MYO1D: variants seen among roughly 807,000 people sequenced by gnomAD.
MYO1D encodes myosin ID, also known as unconventional myosin-Id.
In MYO1D, 83 loss-of-function variants were observed where a neutral mutation model predicts 122.0. The observed-to-expected ratio is 0.68, with a 90% CI of 0.57 to 0.82. The LOEUF is 0.82. Among genes scored for constraint, MYO1D ranks in the 40% least tolerant of loss-of-function variants. The pLI is 0.00. For missense variants in MYO1D, 1,157 were observed against 1,269.5 expected (o/e 0.91, Z 1.35); for synonymous variants, 464 against 446.9 (o/e 1.04, Z -0.48).
chr17:32,549,315 TA>T (rs1191439419), intron 21 of MYO1D, among the ~76,000 whole-genome samples: 2 of 152,016 alleles, frequency 1.3e-5, no homozygotes, highest in East Asian at 3.9e-4. Flanking sequence ...AGACTTGTCT[TA>T]AACTCCTGGG....
chr17:32,571,327 C>A (rs1218833508), intron 21 of MYO1D, among the ~76,000 whole-genome samples: 1 of 152,134 alleles, frequency 6.6e-6, no homozygotes, highest in African/African-American at 2.4e-5. Flanking sequence ...TTAACCCTGG[C>A]AACCCCGCCT....
chr17:32,632,610 C>T (rs2088032505), intron 20 of MYO1D: 1 of 150,706 alleles, frequency 6.6e-6, no homozygotes, highest in Non-Finnish European at 1.5e-5. Context: ...CACACACACA[C>T]ACACACACAC....
intron 4 of MYO1D, among the ~76,000 whole-genome samples, chr17:32,775,073 G>A (rs548852483): frequency 6.6e-6 from 1 of 152,276 alleles, no homozygotes; most frequent in African/African-American, 2.4e-5. Flanking sequence ...GACTGAAGCA[G>A]GAGGGCTGCT....
chr17:32,600,668 A>G (rs1384243872), intron 21 of MYO1D, among the ~76,000 whole-genome samples: 3 of 145,566 alleles, frequency 2.1e-5, no homozygotes, highest in Non-Finnish European at 4.4e-5. Context: ...AGAATTTAAG[A>G]GAGTTTAGGG....
chr17:32,698,214 A>G (rs578142074), intron 16 of MYO1D, among the ~76,000 whole-genome samples: 2 of 152,264 alleles, frequency 1.3e-5, no homozygotes, highest in South Asian at 2.1e-4. Context: ...ACTAGCTACC[A>G]TATCAGTAGG....
chr17:32,844,332 GTATATGTATATAT>G (rs1366158969), intron 1 of MYO1D, among the ~76,000 whole-genome samples: 1 of 143,600 alleles, frequency 7.0e-6, no homozygotes, highest in East Asian at 2.0e-4. Context: ...TATATAATAT[GTATATGTATATAT>G]TATATGTGTA....
At chr17:32,654,068 C>T in intron 18 of MYO1D, 121 bp from the exon 19 acceptor site, 2 of 718,142 alleles carry the variant, frequency 2.8e-6, no homozygotes, top group South Asian at 2.1e-5. Context: ...CTCTTTATCT[C>T]CTCACCCCAG....
chr17:32,698,013 A>T (rs1479746618), intron 16 of MYO1D, among the ~76,000 whole-genome samples: 1 of 152,166 alleles, frequency 6.6e-6, no homozygotes, highest in Non-Finnish European at 1.5e-5. Context: ...CAGGCCTCTT[A>T]GGTTCAAATC....
chr17:32,798,033 T>C (rs2090433126), intron 1 of MYO1D, among the ~76,000 whole-genome samples: 1 of 152,216 alleles, frequency 6.6e-6, no homozygotes, highest in African/African-American at 2.4e-5. Context: ...CCATCATCTC[T>C]ACTTGGAGAA....
intron 11 of MYO1D, among the ~76,000 whole-genome samples, chr17:32,751,761 C>T (rs1255960316): frequency 6.6e-6 from 1 of 151,840 alleles, no homozygotes; most frequent in East Asian, 1.9e-4. Flanking sequence ...AAAACACTGA[C>T]AAAAGAAGTC....
intron 21 of MYO1D, among the ~76,000 whole-genome samples, chr17:32,552,904 A>G (rs914674978): frequency 5.9e-5 from 9 of 152,132 alleles, no homozygotes; most frequent in Non-Finnish European, 1.3e-4. Context: ...TGACAGCATG[A>G]AAAACAGCAT....
chr17:32,709,745 A>G (rs1274634643), intron 16 of MYO1D, among the ~76,000 whole-genome samples: 2 of 152,160 alleles, frequency 1.3e-5, no homozygotes, highest in Non-Finnish European at 2.9e-5. Flanking sequence ...TTATTTACCT[A>G]GGAAAGCCAA....
chr17:32,521,530 T>C (rs998090489), intron 21 of MYO1D, among the ~76,000 whole-genome samples: 3 of 152,236 alleles, frequency 2.0e-5, no homozygotes, highest in African/African-American at 7.2e-5. Context: ...AATATTTAAA[T>C]ATAGATGCTA....
intron 20 of MYO1D, among the ~76,000 whole-genome samples, chr17:32,623,290 C>T (rs2087877244): frequency 6.6e-6 from 1 of 152,174 alleles, no homozygotes; most frequent in Non-Finnish European, 1.5e-5. Context: ...CAGATTCCCC[C>T]TGTAGTGCAG....
intron 7 of MYO1D, among the ~76,000 whole-genome samples, chr17:32,765,762 T>C (rs1652988559): frequency 6.6e-6 from 1 of 152,156 alleles, no homozygotes; most frequent in Non-Finnish European, 1.5e-5. Context: ...CTGGCCTTTT[T>C]CCTTAAACTT....
At chr17:32,818,339 T>C (rs2090631404) in intron 1 of MYO1D, among the ~76,000 whole-genome samples, 1 of 152,102 alleles carries the variant, frequency 6.6e-6, no homozygotes, top group South Asian at 2.1e-4. Flanking sequence ...CCAGCAATGC[T>C]GAGCTGTGGT....
intron 3 of MYO1D, 152 bp downstream of exon 3, chr17:32,778,328 C>T (rs891998585): frequency 5.1e-6 from 3 of 588,548 alleles, no homozygotes; most frequent in Non-Finnish European, 9.1e-6. Flanking sequence ...ACAATATGCA[C>T]TTAAGAGAAT....
intron 15 of MYO1D, among the ~76,000 whole-genome samples, chr17:32,716,686 C>T (rs558980372): frequency 2.0e-5 from 3 of 152,366 alleles, no homozygotes; most frequent in South Asian, 4.1e-4. Flanking sequence ...TCTGGGTCAT[C>T]ATATGGGTAG....
intron 1 of MYO1D, among the ~76,000 whole-genome samples, chr17:32,811,134 G>A (rs2090568444): frequency 1.3e-5 from 2 of 152,104 alleles, no homozygotes; most frequent in South Asian, 4.1e-4. Context: ...AAAGAGGAAG[G>A]AGCAGTTTCT....
Sources: gnomAD v4.1 joint callset for allele counts (sites outside exome capture counted in the v4.1 genomes callset) on GRCh38, gnomAD v4.1.1 for gene constraint, MANE v1.5 for transcripts, NCBI Gene and HGNC (gene_info 2026-07-23, HGNC 2026-07-21) for gene names.